GLMN: variants seen among roughly 807,000 people sequenced by gnomAD.
GLMN encodes glomulin, FKBP associated protein, also known as glomulin.
GLMN carries 75 observed loss-of-function variants against 87.8 expected under a neutral mutation model. That is an observed-to-expected ratio of 0.85 (90% CI 0.71 to 1.04). The LOEUF is 1.04. Among genes scored for constraint, GLMN ranks in the 50% least tolerant of loss-of-function variants. The pLI is 0.00. For synonymous variants in GLMN, 206 were observed against 221.6 expected (o/e 0.93, Z 0.63); for missense variants, 588 against 658.8 (o/e 0.89, Z 1.18).
At chr1:92,332,953 CAG>C in the GLMN span, among the ~76,000 whole-genome samples, 1 of 152,034 alleles carries the variant, frequency 6.6e-6, no homozygotes, top group Non-Finnish European at 1.5e-5. Context: ...TTTCAGTTCT[CAG>C]AGAGAGAGTC....
chr1:92,291,879 T>C (rs936678936), intron 3 of GLMN, among the ~76,000 whole-genome samples: 4 of 152,214 alleles, frequency 2.6e-5, no homozygotes, highest in Non-Finnish European at 5.9e-5. Flanking sequence ...GCTCCCCTTA[T>C]TCATAAAGAA....
chr1:92,366,577 G>A, the GLMN span, among the ~76,000 whole-genome samples: 1 of 152,064 alleles, frequency 6.6e-6, no homozygotes, highest in African/African-American at 2.4e-5. Context: ...AGATGTTTTC[G>A]GTGTCTCACT....
At chr1:92,263,033 G>T (rs895652583) in intron 15 of GLMN, 107 bp from the exon 16 acceptor site, 4 of 574,826 alleles carry the variant, frequency 7.0e-6, no homozygotes, top group Non-Finnish European at 1.3e-5. Context: ...TTTGCCAATA[G>T]AAACTATTTC....
intron 16 of GLMN, among the ~76,000 whole-genome samples, chr1:92,251,708 G>A (rs1036399555): frequency 2.6e-5 from 4 of 151,710 alleles, no homozygotes; most frequent in African/African-American, 9.7e-5. Flanking sequence ...CTTTCCTCTT[G>A]TAGAAGTTCT....
chr1:92,247,030 GAAA>G (rs770002756), intron 18 of GLMN, 29 bp downstream of exon 18: 1 of 1,157,732 alleles, frequency 8.6e-7, no homozygotes, highest in African/African-American at 1.7e-5. Flanking sequence ...TTCTAAAGAA[GAAA>G]AAGGAAAGAA....
At chr1:92,275,290 C>A (rs1227023994) in intron 7 of GLMN, among the ~76,000 whole-genome samples, 1 of 152,206 alleles carries the variant, frequency 6.6e-6, no homozygotes, top group African/African-American at 2.4e-5. Context: ...GGGTTTGACT[C>A]CCCTCAATTG....
chr1:92,306,892 CTG>C, the GLMN span, among the ~76,000 whole-genome samples: 1 of 152,074 alleles, frequency 6.6e-6, no homozygotes, highest in African/African-American at 2.4e-5. Context: ...ATAGGCAAAA[CTG>C]AATATTTTTT....
intron 16 of GLMN, among the ~76,000 whole-genome samples, chr1:92,260,110 T>C (rs1654833943): frequency 6.6e-6 from 1 of 152,116 alleles, no homozygotes; most frequent in South Asian, 2.1e-4. Context: ...AGTAGACATA[T>C]TTGCCTCTCA....
chr1:92,333,957 C>T, the GLMN span, among the ~76,000 whole-genome samples: 1 of 152,124 alleles, frequency 6.6e-6, no homozygotes, highest in Non-Finnish European at 1.5e-5. Flanking sequence ...TTAAACTTCC[C>T]GTGGTGGAAA....
At chr1:92,351,918 G>C in the GLMN span, among the ~76,000 whole-genome samples, 6 of 152,102 alleles carry the variant, frequency 3.9e-5, no homozygotes, top group African/African-American at 1.4e-4. Flanking sequence ...TGTATCATAG[G>C]AGTCAAATGT....
chr1:92,316,328 TG>T, the GLMN span, among the ~76,000 whole-genome samples: 1 of 152,174 alleles, frequency 6.6e-6, no homozygotes, highest in Non-Finnish European at 1.5e-5. Context: ...CTCTGTTGCT[TG>T]GTATGCAGAA....
chr1:92,358,048 G>A, the GLMN span, among the ~76,000 whole-genome samples: 12 of 152,140 alleles, frequency 7.9e-5, no homozygotes, highest in African/African-American at 2.9e-4. Flanking sequence ...CTTGATGTAA[G>A]TTTTGAGTAG....
chr1:92,320,897 C>T, the GLMN span, among the ~76,000 whole-genome samples: 266 of 152,332 alleles, frequency 1.7e-3, 2 homozygotes, highest in Non-Finnish European at 2.8e-3. Context: ...GACATAAACA[C>T]AGCCTCCATC....
chr1:92,276,882 A>G (rs1014544827), intron 7 of GLMN, among the ~76,000 whole-genome samples: 5 of 152,196 alleles, frequency 3.3e-5, no homozygotes, highest in African/African-American at 9.7e-5. Flanking sequence ...TGATGGGTAC[A>G]TGGGCATGTG....
chr1:92,256,258 T>C (rs1180026809), intron 16 of GLMN, among the ~76,000 whole-genome samples: 1 of 151,578 alleles, frequency 6.6e-6, no homozygotes, highest in Non-Finnish European at 1.5e-5. Flanking sequence ...AGGCAGTAAT[T>C]AATAGCCTAC....
chr1:92,276,222 T>C (rs1647280518), intron 7 of GLMN, among the ~76,000 whole-genome samples: 2 of 151,912 alleles, frequency 1.3e-5, no homozygotes, highest in African/African-American at 4.8e-5. Context: ...CAAGACCCTA[T>C]CTCAAAAAAT....
chr1:92,333,598 T>C, the GLMN span: 1 of 692,000 alleles, frequency 1.4e-6, no homozygotes, highest in Non-Finnish European at 2.4e-6. Context: ...AAAGTTCACA[T>C]GGATTTCTTC....
intron 6 of GLMN, among the ~76,000 whole-genome samples, chr1:92,287,057 C>T (rs1648843573): frequency 6.6e-6 from 1 of 152,158 alleles, no homozygotes; most frequent in Non-Finnish European, 1.5e-5. Flanking sequence ...GATGTAACGT[C>T]GTTCGTACTA....
rs559161825 is a variant in GLMN at position 92,280,625 on chromosome 1, T to C, written c.735+5865A>G. ...CTGGACGGAGAATGAGTTTGATGAGTTGACAGAAGTAGGCTTCGGAAGGTC... is the reference window on the plus strand; with the variant it reads ...CTGGACGGAGAATGAGTTTGATGAGCTGACAGAAGTAGGCTTCGGAAGGTC... On this transcript the variant is annotated intron_variant, in intron 7 of 18. Coordinates refer to ENST00000370360, the MANE Select transcript of GLMN (RefSeq NM_053274.3). 2.7e-4 allele frequency among the ~76,000 whole-genome samples: 41 copies of C among 152,210 alleles called. 1 individual carries two copies. Among genetic ancestry groups the C allele is most frequent in the African/African-American group, 9.4e-4 (39 of 41,508 alleles).
Sources: gnomAD v4.1 joint callset for allele counts (sites outside exome capture counted in the v4.1 genomes callset) on GRCh38, gnomAD v4.1.1 for gene constraint, MANE v1.5 for transcripts, NCBI Gene and HGNC (gene_info 2026-07-23, HGNC 2026-07-21) for gene names.